The following OGFRL1 variants were observed in gnomAD, a reference collection of about 807,000 sequenced individuals.
OGFRL1 encodes opioid growth factor receptor like 1.
A neutral mutation model predicts 32.4 loss-of-function variants in OGFRL1; 26 were observed. That is an observed-to-expected ratio of 0.80 (90% CI 0.59 to 1.11). OGFRL1 has a LOEUF of 1.11. Ranked by LOEUF, OGFRL1 falls within the 50% of genes most tolerant of loss-of-function variation. OGFRL1 has a pLI of 0.00. For missense variants in OGFRL1, 521 were observed against 546.4 expected (o/e 0.95, Z 0.46); for synonymous variants, 211 against 201.2 (o/e 1.05, Z -0.41).
intron 1 of OGFRL1, chr6:71,291,715 CTT>C (rs1766057515): frequency 1.3e-5 from 2 of 152,156 alleles, no homozygotes; most frequent in South Asian, 4.1e-4. Flanking sequence ...GAGTCATTAT[CTT>C]TATTTCAGAG....
At chr6:71,293,247 A>T in intron 1 of OGFRL1, 46 bp from the exon 2 acceptor site, 1 of 1,509,130 alleles carries the variant, frequency 6.6e-7, no homozygotes, top group South Asian at 1.2e-5. Flanking sequence ...TCTTTGTGAA[A>T]TTATCTTGCG....
In OGFRL1 at chr6:71,307,602, G is replaced by T. The variant is rs1296411773; in HGVS notation, c.*5553G>T. The T allele has an allele frequency of 6.6e-6, 1 of 152,036 alleles. No homozygotes were observed. Among genetic ancestry groups the T allele is most frequent in the Admixed American group, 6.6e-5 (1 of 15,252 alleles). The allele number at this position is 152,036 out of a possible 1,614,324, so 9.4% of individuals were successfully genotyped here. A position where few individuals can be genotyped will look rare whatever the true frequency, so the allele number is the denominator to read the frequency against. On this transcript the variant is annotated 3_prime_UTR_variant, in exon 7 of 7. Coordinates refer to ENST00000370435, the MANE Select transcript of OGFRL1 (RefSeq NM_024576.5). ...ATGATTCAGAGAAAAGGCAGTAGTG[G>T]TCACTTACTGTGCTAAAATACCTTT...
At position 71,307,946 on chromosome 6, in the gene OGFRL1, T is replaced by TTA. The variant is rs1356842061; in HGVS notation, c.*5898_*5899dup. 1 of 152,214 alleles carries TTA rather than the reference T, an allele frequency of 6.6e-6. No homozygotes were observed. Among genetic ancestry groups the TTA allele is most frequent in the Non-Finnish European group, 1.5e-5 (1 of 68,046 alleles). 9.4% of individuals were successfully genotyped at this position (152,214 alleles called of 1,614,324 possible). On this transcript the variant is annotated 3_prime_UTR_variant, in exon 7 of 7. Transcript: ENST00000370435. ...ATTATTGGAAGCAGGTGACGAATGATTAAGAAAAGCTTTATTGTGGGGACA... is the reference window on the plus strand; with the variant it reads ...ATTATTGGAAGCAGGTGACGAATGATTATAAGAAAAGCTTTATTGTGGGGACA...
At chr6:71,297,274 G>A (rs1766241148) in intron 6 of OGFRL1, among the ~76,000 whole-genome samples, 1 of 152,088 alleles carries the variant, frequency 6.6e-6, no homozygotes, top group African/African-American at 2.4e-5. Context: ...TTATAAGAAT[G>A]AGATGGGCCC....
At position 71,296,677 on chromosome 6, in the gene OGFRL1, C is replaced by CA; in HGVS notation, c.559dup (p.Thr187AsnfsTer6). 6.2e-7 allele frequency: 1 copy of CA among 1,608,254 alleles called. No homozygotes were observed. Among genetic ancestry groups the CA allele is most frequent in the Admixed American group, 1.7e-5 (1 of 58,630 alleles). On this transcript the variant is annotated frameshift_variant, in exon 6 of 7. Coordinates refer to ENST00000370435, the MANE Select transcript of OGFRL1 (RefSeq NM_024576.5). LOFTEE classifies it high-confidence loss of function. The stretch of plus-strand genomic sequence containing the variant: ...TTTTTCATTTTTTATATTAGGAATT[C>CA]AAAAAAACAAAAGAAGCAATTAGAA...
In OGFRL1 at chr6:71,307,449, G is replaced by C. The variant is rs1371914669; in HGVS notation, c.*5400G>C. The C allele has an allele frequency of 1.3e-5, 2 of 152,108 alleles. No homozygotes were observed. The highest frequency in any genetic ancestry group is 4.8e-5 in the African/African-American group (2 of 41,414). 9.4% of individuals were successfully genotyped at this position (152,108 alleles called of 1,614,324 possible). A position where few individuals can be genotyped will look rare whatever the true frequency, so the allele number is the denominator to read the frequency against. The stretch of plus-strand genomic sequence containing the variant: ...AGCAGTTGGGCATTAGTAAATTGTA[G>C]TTATATCTTAACGATCTTGGGAATC... On this transcript the variant is annotated 3_prime_UTR_variant, in exon 7 of 7. Transcript: ENST00000370435.
rs969897061 is a variant in OGFRL1 at position 71,306,147 on chromosome 6, C to A, written c.*4098C>A. ...TCCCCTCTCTCATTTGGGGTATATG[C>A]GTTGAGTATAAGGTAGGCTGTATTT... is the stretch of plus-strand genomic sequence containing the variant. On this transcript the variant is annotated 3_prime_UTR_variant, in exon 7 of 7. Transcript: ENST00000370435. The A allele has an allele frequency of 6.6e-6, 1 of 151,988 alleles. No individual in the cohort carries two copies. The highest frequency in any genetic ancestry group is 1.5e-5 in the Non-Finnish European group (1 of 67,982). The allele number at this position is 151,988 out of a possible 1,614,324, so 9.4% of individuals were successfully genotyped here. A position where few individuals can be genotyped will look rare whatever the true frequency, so the allele number is the denominator to read the frequency against.
Position 71,301,884 on chromosome 6 carries a change from C to T in OGFRL1, c.1191C>T (p.Asp397=). The part of the protein sequence containing the change: ...EAAKPRNTEK[D]SNAENMNSQP... ...CCAAGCCAAGAAATACAGAGAAGGA[C>T]AGTAATGCTGAGAACATGAATTCTC... Residue 397 remains aspartate, a synonymous_variant, in exon 7 of 7, where the codon GAC becomes GAT. Coordinates refer to ENST00000370435, the MANE Select transcript of OGFRL1 (RefSeq NM_024576.5). 1 of 1,613,694 alleles carries T rather than the reference C, an allele frequency of 6.2e-7. No individual in the cohort carries two copies. Among genetic ancestry groups the T allele is most frequent in the Non-Finnish European group, 8.5e-7 (1 of 1,179,890 alleles).
chr6:71,292,871 T>G (rs951525346), intron 1 of OGFRL1, among the ~76,000 whole-genome samples: 1 of 152,320 alleles, frequency 6.6e-6, no homozygotes, highest in East Asian at 1.9e-4. Context: ...ATTTTCTTTG[T>G]AGAATTGATT....
rs544448326 is a variant in OGFRL1 at position 71,304,538 on chromosome 6, C to T, written c.*2489C>T. 7.0e-4 allele frequency: 107 copies of T among 152,002 alleles called. No individual in the cohort carries two copies. Among genetic ancestry groups the T allele is most frequent in the African/African-American group, 2.4e-3 (98 of 41,482 alleles). 9.4% of individuals were successfully genotyped at this position (152,002 alleles called of 1,614,324 possible). A position where few individuals can be genotyped will look rare whatever the true frequency, so the allele number is the denominator to read the frequency against. On this transcript the variant is annotated 3_prime_UTR_variant, in exon 7 of 7. Coordinates refer to ENST00000370435, the MANE Select transcript of OGFRL1 (RefSeq NM_024576.5). ...AATGCATAATAGTAAAAGATTGTGA[C>T]CAGATATTATGATATTAATAAAGTT...
chr6:71,289,001 C>T lies in OGFRL1; in HGVS notation c.65C>T (p.Thr22Ile). The T allele has an allele frequency of 7.2e-7, 1 of 1,386,272 alleles. No homozygotes were observed. The highest frequency in any genetic ancestry group is 9.5e-7 in the Non-Finnish European group (1 of 1,053,510). The allele number at this position is 1,386,272 out of a possible 1,614,324, so 85.9% of individuals were successfully genotyped here. ...EPTTVEDCDS[T>I]WQTDSEPEPE... The stretch of plus-strand genomic sequence containing the variant: ...ACCACCGTGGAGGACTGCGACTCCA[C>T]CTGGCAGACCGACTCGGAGCCCGAG... The change falls in exon 1 of 7, where the codon ACC becomes ATC. Residue 22 changes from threonine (T) to isoleucine (I), a missense_variant. Transcript: ENST00000370435.
intron 6 of OGFRL1, among the ~76,000 whole-genome samples, chr6:71,297,164 C>T (rs542078823): frequency 1.3e-5 from 2 of 152,208 alleles, no homozygotes; most frequent in East Asian, 3.9e-4. Context: ...TGTATTCCTT[C>T]TTGTAGGCTG....
chr6:71,291,515 G>A (rs1370889300), intron 1 of OGFRL1: 1 of 152,180 alleles, frequency 6.6e-6, no homozygotes, highest in Non-Finnish European at 1.5e-5. Context: ...ATGTTTGTTT[G>A]AGATCGAGAA....
In OGFRL1 at chr6:71,305,752, C is replaced by T. The variant is rs1283730572; in HGVS notation, c.*3703C>T. 6.6e-6 allele frequency: 1 copy of T among 152,046 alleles called. No individual in the cohort carries two copies. Among genetic ancestry groups the T allele is most frequent in the Non-Finnish European group, 1.5e-5 (1 of 67,958 alleles). The allele number at this position is 152,046 out of a possible 1,614,324, so 9.4% of individuals were successfully genotyped here. ...AGTATGATGTGGTGGAAAGAAAAAA[C>T]AGTACAGTATTACATCTGAGTTAGT... On this transcript the variant is annotated 3_prime_UTR_variant, in exon 7 of 7. Coordinates refer to ENST00000370435, the MANE Select transcript of OGFRL1 (RefSeq NM_024576.5).
chr6:71,289,111 G>C lies in OGFRL1; in HGVS notation c.175G>C (p.Gly59Arg). 3 of 1,113,062 alleles carry C rather than the reference G, an allele frequency of 2.7e-6. No homozygotes were observed. Among genetic ancestry groups the C allele is most frequent in the Non-Finnish European group, 3.3e-6 (3 of 913,404 alleles). 68.9% of individuals were successfully genotyped at this position (1,113,062 alleles called of 1,614,324 possible). The change falls in exon 1 of 7, where the codon GGG becomes CGG. Residue 59 changes from glycine (G) to arginine (R), a missense_variant. Coordinates refer to ENST00000370435, the MANE Select transcript of OGFRL1 (RefSeq NM_024576.5). ...CGCGCAGCCCCCGGAGCAAGCCGGCGGGCGGCCCGGCGCCAGCCCCGCGCC... is the reference window on the plus strand; with the variant it reads ...CGCGCAGCCCCCGGAGCAAGCCGGCCGGCGGCCCGGCGCCAGCCCCGCGCC... ...QPAQPPEQAG[G>R]RPGASPAPDE...
Position 71,293,256 on chromosome 6 carries a change from C to T in OGFRL1, c.235-37C>T, listed in dbSNP as rs9455430. 1.4e-3 allele frequency: 2,186 copies of T among 1,525,450 alleles called. 36 individuals are homozygous for T. The African/African-American group carries it at 0.026, about 18-fold the overall frequency. 94.5% of individuals were successfully genotyped at this position (1,525,450 alleles called of 1,614,324 possible). On this transcript the variant is annotated intron_variant, in intron 1 of 6. Coordinates refer to ENST00000370435, the MANE Select transcript of OGFRL1 (RefSeq NM_024576.5). ...GAAATTTCTTTGTGAAATTATCTTG[C>T]GTCAACATGTAAACGGAGTTTCACC... is the stretch of plus-strand genomic sequence containing the variant.
Position 71,302,073 on chromosome 6 carries a change from GTT to G in OGFRL1, c.*26_*27del, listed in dbSNP as rs777304416. On this transcript the variant is annotated 3_prime_UTR_variant, in exon 7 of 7. Coordinates refer to ENST00000370435, the MANE Select transcript of OGFRL1 (RefSeq NM_024576.5). ...GAATTATCAGAAAACCCAGAAGCCA[GTT>G]TAGGCTAGAGAGGAAAAAACTACTG... The G allele has an allele frequency of 2.2e-5, 32 of 1,484,836 alleles. No individual in the cohort carries two copies. The highest frequency in any genetic ancestry group is 2.6e-5 in the Non-Finnish European group (29 of 1,128,154). The allele number at this position is 1,484,836 out of a possible 1,614,324, so 92.0% of individuals were successfully genotyped here.
chr6:71,288,921 C>T lies in OGFRL1; in HGVS notation c.-16C>T, dbSNP rs576453463. On this transcript the variant is annotated 5_prime_UTR_variant, in exon 1 of 7. Transcript: ENST00000370435. The stretch of plus-strand genomic sequence containing the variant: ...CCCCGCAGCCCCGCAGCCCCGCGCC[C>T]GCCGCCGCCTCTTCAATGGGCAACC... The T allele has an allele frequency of 2.3e-6, 3 of 1,322,122 alleles. No individual in the cohort carries two copies. The highest frequency in any genetic ancestry group is 4.4e-5 in the East Asian group (1 of 22,988). The allele number at this position is 1,322,122 out of a possible 1,614,324, so 81.9% of individuals were successfully genotyped here. A position where few individuals can be genotyped will look rare whatever the true frequency, so the allele number is the denominator to read the frequency against.
At chr6:71,294,782 T>C (rs1479745811) in intron 3 of OGFRL1, among the ~76,000 whole-genome samples, 1 of 152,198 alleles carries the variant, frequency 6.6e-6, no homozygotes, top group East Asian at 1.9e-4. Context: ...TGTTAGGACT[T>C]GGGGTAGAAA....
Sources: allele counts gnomAD v4.1 joint callset (sites outside exome capture counted in the v4.1 genomes callset), GRCh38; gene constraint gnomAD v4.1.1; transcripts MANE v1.5; gene names NCBI Gene and HGNC (gene_info 2026-07-23, HGNC 2026-07-21).